The following ZDHHC14 variants were observed in gnomAD, a reference collection of about 807,000 sequenced individuals.
ZDHHC14 encodes the protein zDHHC palmitoyltransferase 14, also known as palmitoyltransferase ZDHHC14.
Under a neutral mutation model 47.7 loss-of-function variants are expected in ZDHHC14, and 16 were observed. That is an observed-to-expected ratio of 0.34 (90% CI 0.23 to 0.51). The LOEUF is 0.51. ZDHHC14 is among the 20% of genes least tolerant of loss of function. The pLI, the probability that ZDHHC14 is intolerant of heterozygous loss-of-function variation, is 0.97. For synonymous variants in ZDHHC14, 293 were observed against 278.9 expected, an observed-to-expected ratio of 1.05 and a Z score of -0.50; for missense variants, 515 against 662.5, an observed-to-expected ratio of 0.78 and a Z score of 2.44.
At chr6:157,482,415 G>C (rs1779654217) in intron 1 of ZDHHC14, among the ~76,000 whole-genome samples, 1 of 151,444 alleles carries the variant, frequency 6.6e-6, no homozygotes, top group East Asian at 1.9e-4. Context: ...CATCATCCTT[G>C]GCTAATTTTT....
In ZDHHC14 at chr6:157,666,600, G is replaced by T. The variant is rs533539461; in HGVS notation, c.1069-6124G>T. On this transcript the variant is annotated intron_variant, in intron 8 of 8. Transcript: ENST00000359775. ...ACAGCCAAGCAGAAATACATGATGC[G>T]TAACTCTAATGCTTTTGACAGAATT... Among the ~76,000 whole-genome samples, 36 of 152,244 alleles carry T rather than the reference G, an allele frequency of 2.4e-4. No homozygotes were observed. The South Asian group carries it at 7.5e-3, about 32-fold the overall frequency.
intron 2 of ZDHHC14, among the ~76,000 whole-genome samples, chr6:157,580,421 G>A (rs1783469705): frequency 6.6e-6 from 1 of 152,002 alleles, no homozygotes; most frequent in South Asian, 2.1e-4. Context: ...AATTAGTTGG[G>A]GAAGAGTCCC....
At chr6:157,605,516 C>T (rs1250392724) in intron 3 of ZDHHC14, among the ~76,000 whole-genome samples, 1 of 152,110 alleles carries the variant, frequency 6.6e-6, no homozygotes, top group East Asian at 1.9e-4. Context: ...AAAGTGTCAC[C>T]CCCATTTGCT....
intron 3 of ZDHHC14, among the ~76,000 whole-genome samples, chr6:157,600,637 C>T (rs553693059): frequency 2.0e-5 from 3 of 152,290 alleles, no homozygotes; most frequent in Admixed American, 2.0e-4. Flanking sequence ...AACTACTGAC[C>T]TCAAGTGATT....
chr6:157,526,620 G>T (rs1327853179), intron 1 of ZDHHC14, among the ~76,000 whole-genome samples: 1 of 152,186 alleles, frequency 6.6e-6, no homozygotes, highest in Non-Finnish European at 1.5e-5. Flanking sequence ...TCACACACGA[G>T]TGTCTTCACA....
intron 1 of ZDHHC14, among the ~76,000 whole-genome samples, chr6:157,420,566 G>A (rs962074525): frequency 1.3e-5 from 2 of 151,910 alleles, no homozygotes; most frequent in Non-Finnish European, 2.9e-5. Context: ...TTGAGGCACT[G>A]ATGAAGGAGA....
At chr6:157,628,789 A>G (rs895249434) in intron 4 of ZDHHC14, among the ~76,000 whole-genome samples, 4 of 151,958 alleles carry the variant, frequency 2.6e-5, no homozygotes, top group African/African-American at 9.7e-5. Context: ...TCCCTATTCC[A>G]ACCTCAGTGA....
intron 3 of ZDHHC14, among the ~76,000 whole-genome samples, chr6:157,605,256 T>C (rs1784494829): frequency 6.6e-6 from 1 of 152,228 alleles, no homozygotes; most frequent in Admixed American, 6.5e-5. Context: ...GAAAAGTATT[T>C]TAAATAAAAG....
chr6:157,382,078 C>T lies in ZDHHC14; in HGVS notation c.57C>T (p.Thr19=). Reference sequence around the variant, plus strand: ...ACTGCGAGTACAGCCAGATCAGCACCCACAGCTCCTCCCCCATGGAGTCGC... The same window carrying T: ...ACTGCGAGTACAGCCAGATCAGCACTCACAGCTCCTCCCCCATGGAGTCGC... ...MKDCEYSQIS[T]HSSSPMESPH... is the part of the protein sequence containing the mutation. Residue 19 remains threonine (T), a synonymous_variant, in exon 1 of 9, where the codon ACC becomes ACT. Transcript: ENST00000359775. 1.2e-6 allele frequency: 2 copies of T among 1,607,762 alleles called. No individual in the cohort carries two copies. The highest frequency in any genetic ancestry group is 4.5e-5 in the East Asian group (2 of 44,486).
chr6:157,638,013 G>C (rs1402358174), intron 5 of ZDHHC14, among the ~76,000 whole-genome samples: 1 of 152,180 alleles, frequency 6.6e-6, no homozygotes, highest in Non-Finnish European at 1.5e-5. Flanking sequence ...GAACCGAGTA[G>C]CTTCTACTGT....
chr6:157,606,426 A>G (rs1784542352), intron 3 of ZDHHC14, among the ~76,000 whole-genome samples: 1 of 152,206 alleles, frequency 6.6e-6, no homozygotes, highest in Admixed American at 6.5e-5. Flanking sequence ...AGATCGCGCC[A>G]CTGCATTCCA....
Position 157,497,123 on chromosome 6 carries a change from C to T in ZDHHC14, c.246-45462C>T, listed in dbSNP as rs1334731754. ...AGGAAACAGAAGGTGAAATTAAAAA[C>T]GTGATGATTTGGAAGAGCAAAGCTC... On this transcript the variant is annotated intron_variant, in intron 1 of 8. Transcript: ENST00000359775. Among the ~76,000 whole-genome samples the T allele has an allele frequency of 1.2e-4, 19 of 152,264 alleles. No individual in the cohort carries two copies. The South Asian group carries it at 3.7e-3, about 30-fold the overall frequency.
intron 1 of ZDHHC14, among the ~76,000 whole-genome samples, chr6:157,480,475 C>T (rs1464585010): frequency 6.6e-6 from 1 of 152,140 alleles, no homozygotes; most frequent in East Asian, 1.9e-4. Flanking sequence ...CCATGTTGGC[C>T]AGGCTGGTCT....
chr6:157,654,694 G>T (rs534169642), intron 8 of ZDHHC14, among the ~76,000 whole-genome samples: 1 of 151,804 alleles, frequency 6.6e-6, no homozygotes, highest in Non-Finnish European at 1.5e-5. Context: ...GTGGTGTCTT[G>T]TTCGTATTGC....
chr6:157,501,234 C>T (rs1337361471), intron 1 of ZDHHC14, among the ~76,000 whole-genome samples: 3 of 151,966 alleles, frequency 2.0e-5, no homozygotes, highest in Non-Finnish European at 2.9e-5. Flanking sequence ...TCCTTCCTTC[C>T]TCCAAGTCTG....
chr6:157,470,991 A>C (rs929162646), intron 1 of ZDHHC14, among the ~76,000 whole-genome samples: 15 of 152,190 alleles, frequency 9.9e-5, no homozygotes, highest in African/African-American at 2.9e-4. Flanking sequence ...GCAACCGGTC[A>C]GTCGTCTTCG....
intron 1 of ZDHHC14, among the ~76,000 whole-genome samples, chr6:157,513,641 C>T (rs568883773): frequency 2.0e-5 from 3 of 152,070 alleles, no homozygotes; most frequent in Admixed American, 6.5e-5. Flanking sequence ...TCATCCAGTC[C>T]GCATTATTAT....
intron 1 of ZDHHC14, among the ~76,000 whole-genome samples, chr6:157,425,432 C>T (rs985077779): frequency 2.6e-5 from 4 of 152,170 alleles, no homozygotes; most frequent in Admixed American, 6.5e-5. Context: ...CTTTTTTCCT[C>T]ATTTTTAAAT....
At chr6:157,646,063 T>TA (rs1213936718) in intron 6 of ZDHHC14, among the ~76,000 whole-genome samples, 1 of 152,218 alleles carries the variant, frequency 6.6e-6, no homozygotes, top group Non-Finnish European at 1.5e-5. Flanking sequence ...ATCCATTAGT[T>TA]ACTAAGATTG....
Sources: allele counts gnomAD v4.1 joint callset (sites outside exome capture counted in the v4.1 genomes callset), GRCh38; gene constraint gnomAD v4.1.1; transcripts MANE v1.5; gene names NCBI Gene and HGNC (gene_info 2026-07-23, HGNC 2026-07-21).